Variants in CPSF3 observed in about 807,000 individuals in gnomAD.
CPSF3 encodes cleavage and polyadenylation specific factor 3.
A neutral mutation model predicts 84.1 loss-of-function variants in CPSF3; 57 were observed. The observed-to-expected ratio is 0.68, with a 90% confidence interval of 0.55 to 0.85. CPSF3 has a LOEUF of 0.85. Among genes scored for constraint, CPSF3 ranks in the 40% least tolerant of loss-of-function variants. CPSF3 has a pLI of 0.00. For missense variants in CPSF3, 522 were observed against 838.8 expected, an observed-to-expected ratio of 0.62 and a Z score of 4.66; for synonymous variants, 275 against 278.1, an observed-to-expected ratio of 0.99 and a Z score of 0.11.
intron 7 of CPSF3, among the ~76,000 whole-genome samples, chr2:9,438,326 C>G (rs757858101): frequency 6.6e-5 from 10 of 152,010 alleles, no homozygotes; most frequent in Non-Finnish European, 1.0e-4. Flanking sequence ...TCAAAGTCTT[C>G]GTAACCTGTA....
intron 15 of CPSF3, 131 bp downstream of exon 15, chr2:9,459,749 A>G (rs1051016568): frequency 5.8e-6 from 3 of 520,128 alleles, no homozygotes; most frequent in African/African-American, 4.4e-5. Context: ...TCCCAGGTTC[A>G]AGCAATTCTC....
intron 4 of CPSF3, among the ~76,000 whole-genome samples, chr2:9,431,284 GCTC>G (rs1680575428): frequency 6.6e-6 from 1 of 152,166 alleles, no homozygotes; most frequent in South Asian, 2.1e-4. Flanking sequence ...AAACTCCTGG[GCTC>G]CAGTGATCCT....
intron 3 of CPSF3, among the ~76,000 whole-genome samples, chr2:9,430,528 A>G (rs904367115): frequency 1.3e-5 from 2 of 152,236 alleles, no homozygotes; most frequent in Non-Finnish European, 2.9e-5. Flanking sequence ...ATTCACTAAT[A>G]AAGTTTTTTG....
intron 4 of CPSF3, among the ~76,000 whole-genome samples, chr2:9,432,173 C>T (rs1370902967): frequency 6.6e-6 from 1 of 152,098 alleles, no homozygotes; most frequent in Non-Finnish European, 1.5e-5. Context: ...TGTGTTATAT[C>T]TTTCAGGAGT....
At chr2:9,429,160 A>G (rs1234053824) in intron 2 of CPSF3, among the ~76,000 whole-genome samples, 1 of 152,172 alleles carries the variant, frequency 6.6e-6, no homozygotes, top group Non-Finnish European at 1.5e-5. Context: ...CTCTGAACAC[A>G]CTGAGAGCTC....
chr2:9,439,599 G>T (rs1290708026), intron 7 of CPSF3, among the ~76,000 whole-genome samples: 2 of 152,104 alleles, frequency 1.3e-5, no homozygotes, highest in African/African-American at 4.8e-5. Context: ...TAAAATTTTG[G>T]GATTTAATGA....
chr2:9,470,530 G>A (rs887061711), intron 16 of CPSF3, among the ~76,000 whole-genome samples: 10 of 152,244 alleles, frequency 6.6e-5, no homozygotes, highest in Non-Finnish European at 1.2e-4. Flanking sequence ...TTCTCTCGAT[G>A]ACAGAGGCAA....
intron 8 of CPSF3, 118 bp downstream of exon 8, chr2:9,440,784 G>A: frequency 1.0e-6 from 1 of 962,872 alleles, no homozygotes; most frequent in Admixed American, 2.2e-5. Context: ...GGGAGTCTAA[G>A]GCAGGAGGAT....
rs543635733 is a variant in CPSF3 at position 9,449,347 on chromosome 2, A to G, written c.1395+997A>G. 1.2e-3 allele frequency among the ~76,000 whole-genome samples: 179 copies of G among 152,292 alleles called. 2 individuals carry two copies. The highest frequency in any genetic ancestry group is 4.1e-3 in the African/African-American group (169 of 41,580). ...GGAGGTTGTAGTGAGCTGAGATCGA[A>G]CCTGAGAGATGGAGGTTGCGGTGAG... is the stretch of plus-strand genomic sequence containing the variant. On this transcript the variant is annotated intron_variant, in intron 11 of 17. Coordinates refer to ENST00000238112, the MANE Select transcript of CPSF3 (RefSeq NM_016207.4).
chr2:9,437,206 C>T (rs1680814662), intron 7 of CPSF3, among the ~76,000 whole-genome samples: 1 of 152,004 alleles, frequency 6.6e-6, no homozygotes, highest in Admixed American at 6.6e-5. Flanking sequence ...GAGTTCAAGA[C>T]CAGCCTGGCC....
At chr2:9,438,153 CAG>C (rs1207489503) in intron 7 of CPSF3, among the ~76,000 whole-genome samples, 2 of 152,214 alleles carry the variant, frequency 1.3e-5, no homozygotes, top group Non-Finnish European at 2.9e-5. Flanking sequence ...AAAAGGAAAA[CAG>C]AAGGAAAGTT....
chr2:9,432,435 A>G lies in CPSF3; in HGVS notation c.342-76A>G, dbSNP rs989157843. 59 of 1,002,942 alleles carry G rather than the reference A, an allele frequency of 5.9e-5. No homozygotes were observed. In the East Asian group the frequency reaches 1.5e-3, roughly 25 times the overall value. 62.1% of individuals were successfully genotyped at this position (1,002,942 alleles called of 1,614,324 possible). A position where few individuals can be genotyped will look rare whatever the true frequency, so the allele number is the denominator to read the frequency against. ...AAATATCTTCATGGAGATGTTATCC[A>G]CAATTTCTTTGTGTTCAAAGGCTTT... On this transcript the variant is annotated intron_variant, in intron 4 of 17. Transcript: ENST00000238112.
At chr2:9,461,928 AT>A (rs1432336790) in intron 15 of CPSF3, among the ~76,000 whole-genome samples, 1 of 151,616 alleles carries the variant, frequency 6.6e-6, no homozygotes, top group Non-Finnish European at 1.5e-5. Flanking sequence ...TGCCCGGCTA[AT>A]TTTTGTATTT....
rs1491526496 is a variant in CPSF3 at position 9,466,275 on chromosome 2, C to CAT, written c.1787-1431_1787-1430insTA. Reference sequence around the variant, plus strand: ...GCACACACGCACACAAAGACGCACGCACACACGTGCGCACACAGACGCATG... The same window carrying CAT: ...GCACACACGCACACAAAGACGCACGCATACACACGTGCGCACACAGACGCATG... On this transcript the variant is annotated intron_variant, in intron 15 of 17. Transcript: ENST00000238112. 1.7e-3 allele frequency among the ~76,000 whole-genome samples: 92 copies of CAT among 55,462 alleles called. 1 individual carries two copies. The highest frequency in any genetic ancestry group is 7.7e-3 in the African/African-American group (90 of 11,702). The allele number at this position is 55,462 out of a possible 152,430, so 36.4% of individuals were successfully genotyped here. A position where few individuals can be genotyped will look rare whatever the true frequency, so the allele number is the denominator to read the frequency against.
chr2:9,443,473 A>G, intron 9 of CPSF3, 42 bp from the exon 10 acceptor site: 1 of 1,584,356 alleles, frequency 6.3e-7, no homozygotes, highest in South Asian at 1.1e-5. Flanking sequence ...TTACGATTAT[A>G]ACTGGGTAGT....
Position 9,430,759 on chromosome 2 carries a change from T to C in CPSF3, c.220T>C (p.Leu74=). The C allele has an allele frequency of 1.2e-6, 2 of 1,603,556 alleles. No individual in the cohort carries two copies. Among genetic ancestry groups the C allele is most frequent in the Non-Finnish European group, 8.5e-7 (1 of 1,177,352 alleles). Residue 74 remains leucine, a synonymous_variant, in exon 4 of 18, where the codon TTG becomes CTG. Transcript: ENST00000238112. ...IDLLLISHFH[L]DHCGALPWFL... Reference sequence around the variant, plus strand: ...AGCCTCTTTCTTTTTAAGTTTCCATTTGGATCACTGTGGAGCTCTGCCCTG... The same window carrying C: ...AGCCTCTTTCTTTTTAAGTTTCCATCTGGATCACTGTGGAGCTCTGCCCTG...
rs137925570 is a variant in CPSF3, at chr2:9,443,562, G to A, written c.1143G>A (p.Lys381=). The part of the protein sequence containing the change: ...PEEITTMSGQ[K]LPLKMSVDYI... ...AAATCACTACTATGTCTGGACAGAA[G>A]TTACCACTGAAAATGTCTGTTGATT... The change falls in exon 10 of 18, where the codon AAG becomes AAA. Residue 381 remains lysine, a synonymous_variant. Coordinates refer to ENST00000238112, the MANE Select transcript of CPSF3 (RefSeq NM_016207.4). 141 of 1,614,100 alleles carry A rather than the reference G, an allele frequency of 8.7e-5. 1 individual carries two copies. In the African/African-American group the frequency reaches 1.7e-3, roughly 20 times the overall value.
intron 13 of CPSF3, among the ~76,000 whole-genome samples, chr2:9,456,442 C>T (rs1034092558): frequency 3.3e-5 from 5 of 152,148 alleles, no homozygotes; most frequent in Non-Finnish European, 5.9e-5. Context: ...TGGAACCTTG[C>T]ACTAGGATAA....
chr2:9,471,475 TG>T, intron 17 of CPSF3, 36 bp downstream of exon 17: 1 of 1,303,690 alleles, frequency 7.7e-7, no homozygotes, highest in Non-Finnish European at 1.1e-6. Context: ...TCAAGACATT[TG>T]GGAAATAAAG....
Sources: gnomAD v4.1 joint callset for allele counts (sites outside exome capture counted in the v4.1 genomes callset) on GRCh38, gnomAD v4.1.1 for gene constraint, MANE v1.5 for transcripts, NCBI Gene and HGNC (gene_info 2026-07-23, HGNC 2026-07-21) for gene names.